AGBL1: variants seen among roughly 807,000 people sequenced by gnomAD.
AGBL1 encodes the protein cytosolic carboxypeptidase 4.
AGBL1 carries 130 observed loss-of-function variants against 118.9 expected under a neutral mutation model. That is an observed-to-expected ratio of 1.09 (90% CI 0.95 to 1.26). The LOEUF is 1.26. Among genes scored for constraint, AGBL1 ranks in the 50% most tolerant of loss-of-function variants. The pLI is 0.00. For synonymous variants in AGBL1, 555 were observed against 478.9 expected (o/e 1.16, Z -2.08); for missense variants, 1,584 against 1,298.1 (o/e 1.22, Z -3.38).
At chr15:86,176,621 G>T (rs2077485393) in intron 5 of AGBL1, among the ~76,000 whole-genome samples, 1 of 152,222 alleles carries the variant, frequency 6.6e-6, no homozygotes, top group African/African-American at 2.4e-5. Flanking sequence ...GGAAATATCA[G>T]TGGGGCTCCA....
intron 22 of AGBL1, among the ~76,000 whole-genome samples, chr15:86,890,268 C>T (rs1476170533): frequency 6.6e-6 from 1 of 151,810 alleles, no homozygotes; most frequent in African/African-American, 2.4e-5. Flanking sequence ...TGTTTAAGTT[C>T]CTTGTAGACT....
intron 22 of AGBL1, among the ~76,000 whole-genome samples, chr15:86,715,454 A>T (rs966806142): frequency 2.6e-5 from 4 of 152,018 alleles, no homozygotes; most frequent in Admixed American, 6.5e-5. Context: ...GAATTCACAG[A>T]TTTTTAACTC....
At chr15:86,706,264 A>C (rs1014366675) in intron 22 of AGBL1, among the ~76,000 whole-genome samples, 1 of 152,068 alleles carries the variant, frequency 6.6e-6, no homozygotes, top group Non-Finnish European at 1.5e-5. Flanking sequence ...AAAACTTAAA[A>C]AATATTTTGA....
intron 23 of AGBL1, among the ~76,000 whole-genome samples, chr15:86,956,834 A>G (rs1009676178): frequency 6.6e-6 from 1 of 152,182 alleles, no homozygotes; most frequent in African/African-American, 2.4e-5. Context: ...GCATTTCAAA[A>G]TGTTAGTGAA....
chr15:86,297,270 T>C (rs2079660540), intron 17 of AGBL1, among the ~76,000 whole-genome samples: 1 of 152,206 alleles, frequency 6.6e-6, no homozygotes, highest in South Asian at 2.1e-4. Flanking sequence ...AGATAAATGC[T>C]ATGCATTTTC....
At chr15:87,005,839 T>A (rs2081494189) in intron 24 of AGBL1, among the ~76,000 whole-genome samples, 1 of 152,208 alleles carries the variant, frequency 6.6e-6, no homozygotes, top group African/African-American at 2.4e-5. Context: ...CTACCTTTGG[T>A]CTTTGATGAT....
At chr15:86,564,195 C>A (rs1220800880) in intron 21 of AGBL1, among the ~76,000 whole-genome samples, 2 of 152,132 alleles carry the variant, frequency 1.3e-5, no homozygotes, top group Non-Finnish European at 2.9e-5. Flanking sequence ...GGTTATTTTG[C>A]TCATTAGATG....
At chr15:86,916,753 G>A (rs76121465), downstream of AGBL1, among the ~76,000 whole-genome samples, 3,264 of 152,200 alleles carry the variant, frequency 0.021, 73 homozygotes, top group Admixed American at 0.062. Context: ...CATGAATGCT[G>A]TGCTGGCGGG....
Position 86,143,812 on chromosome 15 carries a change from C to G in AGBL1, c.229C>G (p.Leu77Val), listed in dbSNP as rs978958437. The G allele has an allele frequency of 9.3e-6, 15 of 1,613,768 alleles. No individual in the cohort carries two copies. In the African/African-American group the frequency reaches 2.0e-4, roughly 22 times the overall value. The stretch of plus-strand genomic sequence containing the variant: ...TCCAGACTATGACATCCTCCTGCCT[C>G]TCTTCCGGCTGCTGGCCAAAGTTGG... ...APPDYDILLP[L>V]FRLLAKVGLR... is the part of the protein sequence containing the mutation. The change falls in exon 3 of 23, where the codon CTC becomes GTC. Residue 77 changes from leucine (L) to valine (V), a missense_variant. Leu to Val is a conservative substitution (Grantham distance 32, BLOSUM62 1). Transcript: ENST00000614907.
intron 18 of AGBL1, among the ~76,000 whole-genome samples, chr15:86,467,375 G>A (rs943527228): frequency 6.6e-6 from 1 of 152,250 alleles, no homozygotes; most frequent in Non-Finnish European, 1.5e-5. Context: ...CTGGCAGCAA[G>A]AATTTCAAGC....
chr15:87,007,933 C>A (rs185921193), intron 24 of AGBL1, among the ~76,000 whole-genome samples: 2 of 152,298 alleles, frequency 1.3e-5, no homozygotes, highest in African/African-American at 4.8e-5. Flanking sequence ...GAAACTGAAT[C>A]TCTGCAGCCT....
At chr15:86,407,603 G>A (rs1357767080) in intron 18 of AGBL1, among the ~76,000 whole-genome samples, 2 of 152,182 alleles carry the variant, frequency 1.3e-5, no homozygotes, top group Non-Finnish European at 2.9e-5. Flanking sequence ...TAAAGTTTGT[G>A]TACTACTCAT....
At chr15:86,646,116 A>G (rs962097580) in intron 21 of AGBL1, among the ~76,000 whole-genome samples, 4 of 152,082 alleles carry the variant, frequency 2.6e-5, no homozygotes, top group Non-Finnish European at 2.9e-5. Flanking sequence ...CCCGTCTTAC[A>G]TCAACAGTTT....
At chr15:86,430,909 A>G (rs1247368378) in intron 18 of AGBL1, among the ~76,000 whole-genome samples, 2 of 152,160 alleles carry the variant, frequency 1.3e-5, no homozygotes, top group African/African-American at 2.4e-5. Context: ...TTATACTACA[A>G]AATCTCTTTT....
chr15:86,502,994 AATTCTTCCTTAAACGCTT>A (rs1312778105), intron 18 of AGBL1, among the ~76,000 whole-genome samples: 1 of 151,446 alleles, frequency 6.6e-6, no homozygotes, highest in African/African-American at 2.4e-5. Flanking sequence ...GATTGGTTTT[AATTCTTCCTTAAACGCTT>A]GGTAGAATTC....
chr15:86,756,495 G>A (rs1173999985), intron 22 of AGBL1, among the ~76,000 whole-genome samples: 1 of 149,812 alleles, frequency 6.7e-6, no homozygotes, highest in African/African-American at 2.5e-5. Flanking sequence ...TCCATGCCAT[G>A]GGTGTTTTAA....
chr15:86,162,042 C>T (rs2077273747), intron 5 of AGBL1, among the ~76,000 whole-genome samples: 1 of 152,136 alleles, frequency 6.6e-6, no homozygotes. Flanking sequence ...GATCAGATGG[C>T]AGAGGCTGGG....
chr15:86,712,051 A>C (rs972095340), intron 22 of AGBL1, among the ~76,000 whole-genome samples: 3 of 152,156 alleles, frequency 2.0e-5, no homozygotes, highest in Non-Finnish European at 4.4e-5. Context: ...GCTGAGTGCT[A>C]TCTGAGCTCA....
At chr15:86,179,364 G>C (rs1045126491) in intron 5 of AGBL1, among the ~76,000 whole-genome samples, 1 of 152,174 alleles carries the variant, frequency 6.6e-6, no homozygotes, top group Non-Finnish European at 1.5e-5. Context: ...ACAAGATCAA[G>C]ATCAAGTGAT....
Sources: allele counts gnomAD v4.1 joint callset (sites outside exome capture counted in the v4.1 genomes callset), GRCh38; gene constraint gnomAD v4.1.1; transcripts MANE v1.5; gene names NCBI Gene and HGNC (gene_info 2026-07-23, HGNC 2026-07-21).